The following BRAP variants were observed in gnomAD, a reference collection of about 807,000 sequenced individuals.
BRAP encodes BRCA1 associated protein, also known as BRCA1-associated protein.
In BRAP, 42 loss-of-function variants were observed where a neutral mutation model predicts 73.4. That is an observed-to-expected ratio of 0.57 (90% CI 0.45 to 0.74). The LOEUF is 0.74. BRAP is among the 30% of genes least tolerant of loss of function. The pLI is 0.00. For missense variants in BRAP, 593 were observed against 751.4 expected, an observed-to-expected ratio of 0.79 and a Z score of 2.46; for synonymous variants, 255 against 267.4, an observed-to-expected ratio of 0.95 and a Z score of 0.45.
intron 9 of BRAP, among the ~76,000 whole-genome samples, chr12:111,657,733 G>T (rs948159060): frequency 6.6e-6 from 1 of 151,962 alleles, no homozygotes; most frequent in Non-Finnish European, 1.5e-5. Flanking sequence ...CAAAAAATTA[G>T]CTGGGCATGG....
At position 111,644,329 on chromosome 12, in the gene BRAP, G is replaced by C. The variant is rs775090047; in HGVS notation, c.1649C>G (p.Pro550Arg). Reference sequence around the variant, plus strand: ...CTGGATTTCCTGCCGGGTCTCGGCAGGCAGATGGTTGATCTTCTGCTGTGT... The same window carrying C: ...CTGGATTTCCTGCCGGGTCTCGGCACGCAGATGGTTGATCTTCTGCTGTGT... ...LETQQKINHL[P>R]AETRQEIQEG... Residue 550 changes from proline to arginine, a missense_variant, in exon 12 of 12, where the codon CCT becomes CGT. By Grantham distance (103) the Pro-to-Arg change is moderately radical. Around this residue, in one of 4 missense-constraint regions of BRAP, gnomAD observed 79 missense variants for 65.3 expected, o/e 1.21. Coordinates refer to ENST00000419234, the MANE Select transcript of BRAP (RefSeq NM_006768.5). The C allele has an allele frequency of 6.2e-7, 1 of 1,614,050 alleles. No homozygotes were observed. Among genetic ancestry groups the C allele is most frequent in the South Asian group, 1.1e-5 (1 of 91,068 alleles).
chr12:111,678,335 C>T (rs76636966), intron 4 of BRAP, among the ~76,000 whole-genome samples: 2,336 of 151,356 alleles, frequency 0.015, 73 homozygotes, highest in African/African-American at 0.053. Flanking sequence ...TGGGAACCAC[C>T]GCTTTTCTGG....
chr12:111,673,972 C>A (rs1333103165), intron 4 of BRAP, among the ~76,000 whole-genome samples: 1 of 152,192 alleles, frequency 6.6e-6, no homozygotes, highest in Admixed American at 6.5e-5. Context: ...CAAGGCTTGT[C>A]TGGATTTTAT....
intron 11 of BRAP, among the ~76,000 whole-genome samples, chr12:111,645,422 G>GAA (rs1886075552): frequency 6.6e-6 from 1 of 152,134 alleles, no homozygotes; most frequent in Admixed American, 6.6e-5. Flanking sequence ...TTCAGTAGCA[G>GAA]AAACTATTCT....
At position 111,685,816 on chromosome 12, in the gene BRAP, G is replaced by A. The variant is rs376859494; in HGVS notation, c.-24C>T. 50 of 1,517,354 alleles carry A rather than the reference G, an allele frequency of 3.3e-5. No homozygotes were observed. The highest frequency in any genetic ancestry group is 4.2e-5 in the Non-Finnish European group (48 of 1,134,170). 94.0% of individuals were successfully genotyped at this position (1,517,354 alleles called of 1,614,324 possible). On this transcript the variant is annotated 5_prime_UTR_variant, in exon 1 of 12. Transcript: ENST00000419234. ...ATAGGGCAGGCGCTGGCCGGCGCGG[G>A]CCCCGGCGGGCTCAGGCGAGGCTGG...
At position 111,651,993 on chromosome 12, in the gene BRAP, C is replaced by A. The variant is rs555203015; in HGVS notation, c.1312-1951G>T. 5.3e-5 allele frequency among the ~76,000 whole-genome samples: 8 copies of A among 152,108 alleles called. No individual in the cohort carries two copies. The East Asian group carries it at 1.4e-3, about 26-fold the overall frequency. ...ATAAAAATCAAAATAGATTTAAAAT[C>A]GCTCAAATTCTAGTTAGGTATTAAT... On this transcript the variant is annotated intron_variant, in intron 10 of 11. Transcript: ENST00000419234.
intron 10 of BRAP, among the ~76,000 whole-genome samples, chr12:111,655,168 C>T (rs924661399): frequency 1.3e-5 from 2 of 152,034 alleles, no homozygotes; most frequent in African/African-American, 4.8e-5. Flanking sequence ...AATTTTATTT[C>T]CTTCCATTTA....
At position 111,665,659 on chromosome 12, in the gene BRAP, T is replaced by C; in HGVS notation, c.876A>G (p.Leu292=). ...LCNHSFHSQC[L]QRWDDTTCPV... ...CTCACGTGGTATCGTCCCAGCGCTG[T>C]AGACACTGGCTGTGGAAGCTGTGGT... Residue 292 remains leucine (L), a synonymous_variant, in exon 6 of 12, where the codon CTA becomes CTG. Coordinates refer to ENST00000419234, the MANE Select transcript of BRAP (RefSeq NM_006768.5). This position sits in a 1 kb window ranked among gnomAD's most constrained non-coding sequence, Gnocchi z 4.3. The C allele has an allele frequency of 1.9e-6, 3 of 1,614,160 alleles. No individual in the cohort carries two copies. The highest frequency in any genetic ancestry group is 2.2e-5 in the South Asian group (2 of 91,078).
At chr12:111,680,174 T>C (rs910890426) in intron 3 of BRAP, among the ~76,000 whole-genome samples, 2 of 151,286 alleles carry the variant, frequency 1.3e-5, no homozygotes, top group South Asian at 2.1e-4. Flanking sequence ...CCAGGCTGGT[T>C]TCGAACTCCT....
intron 11 of BRAP, among the ~76,000 whole-genome samples, chr12:111,647,863 C>T (rs1886166208): frequency 6.7e-6 from 1 of 150,154 alleles, no homozygotes; most frequent in African/African-American, 2.5e-5. Flanking sequence ...CCATTGCAGC[C>T]TGGGCAACAA....
At position 111,644,485 on chromosome 12, in the gene BRAP, C is replaced by T. The variant is rs185820400; in HGVS notation, c.1493G>A (p.Arg498Gln). ...GTTCTGCAGGAGGACTTGGTTGGCT[C>T]GCAAACACTTGTTCATTTCCTGCTC... ...KEEQEMNKCL[R>Q]ANQVLLQNKL... The change falls in exon 12 of 12, where the codon CGA becomes CAA. Residue 498 changes from arginine to glutamine, a missense_variant. Physicochemically the swap from Arg to Gln is conservative, Grantham distance 43 (BLOSUM62 1). Transcript: ENST00000419234. 6.0e-5 allele frequency: 97 copies of T among 1,614,098 alleles called. No individual in the cohort carries two copies. The highest frequency in any genetic ancestry group is 2.2e-4 in the Admixed American group (13 of 59,988).
intron 2 of BRAP, 119 bp downstream of exon 2, chr12:111,683,027 C>T (rs1363382412): frequency 1.0e-5 from 11 of 1,103,984 alleles, no homozygotes; most frequent in South Asian, 7.9e-5. Context: ...AAAGCACACA[C>T]GTAGTGAAAG....
intron 3 of BRAP, among the ~76,000 whole-genome samples, chr12:111,679,909 G>T (rs959596569): frequency 2.7e-5 from 4 of 148,556 alleles, no homozygotes; most frequent in African/African-American, 9.9e-5. Flanking sequence ...ATCTGTCACT[G>T]GTTAACTTAA....
At chr12:111,661,773 G>GTC (rs1886764386) in intron 6 of BRAP, among the ~76,000 whole-genome samples, 1 of 147,852 alleles carries the variant, frequency 6.8e-6, no homozygotes, top group South Asian at 2.1e-4. Flanking sequence ...GTGCAGTGGC[G>GTC]CGATCTCAGC....
chr12:111,655,447 C>T (rs1352558128), intron 10 of BRAP, 119 bp downstream of exon 10: 19 of 773,792 alleles, frequency 2.5e-5, no homozygotes, highest in Non-Finnish European at 4.0e-5. Context: ...CCACCTATTA[C>T]CTGCCTGAGA....
At chr12:111,651,215 AGCAC>A (rs1566111152) in intron 10 of BRAP, among the ~76,000 whole-genome samples, 227 of 146,004 alleles carry the variant, frequency 1.6e-3, no homozygotes, top group African/African-American at 5.9e-3. Context: ...AGTCTCTAAT[AGCAC>A]TAGCTTTAAT....
intron 10 of BRAP, among the ~76,000 whole-genome samples, chr12:111,653,358 C>G (rs1886397557): frequency 1.3e-5 from 2 of 152,122 alleles, no homozygotes; most frequent in African/African-American, 4.8e-5. Flanking sequence ...TGTGGTCCAC[C>G]AAACTCATTT....
At chr12:111,682,304 C>G (rs1464234530) in intron 2 of BRAP, among the ~76,000 whole-genome samples, 1 of 151,432 alleles carries the variant, frequency 6.6e-6, no homozygotes, top group African/African-American at 2.4e-5. Context: ...TTGAGACCAT[C>G]CTGGCTCACA....
rs751241411 is a variant in BRAP, at chr12:111,644,397, G to A, written c.1581C>T (p.Thr527=). The A allele has an allele frequency of 6.8e-6, 11 of 1,613,850 alleles. No homozygotes were observed. The highest frequency in any genetic ancestry group is 1.6e-4 in the Middle Eastern group (1 of 6,084). The change falls in exon 12 of 12, where the codon ACC becomes ACT. Residue 527 remains threonine, a synonymous_variant. Coordinates refer to ENST00000419234, the MANE Select transcript of BRAP (RefSeq NM_006768.5). The part of the protein sequence containing the change: ...ETCDQKDLQI[T]EIQEQLRDVM... ...CGTCACGCAGCTGCTCCTGGATCTC[G>A]GTGATCTGCAGATCTTTTTGGTCAC...
Sources: gnomAD v4.1 joint callset for allele counts (sites outside exome capture counted in the v4.1 genomes callset) on GRCh38, gnomAD v4.1.1 for gene constraint, gnomAD v4.1.1 regional missense constraint, Gnocchi (gnomAD v3.1) non-coding constraint, MANE v1.5 for transcripts, NCBI Gene and HGNC (gene_info 2026-07-23, HGNC 2026-07-21) for gene names.